Variants in SLC25A42 observed in about 807,000 individuals in gnomAD.
SLC25A42 encodes solute carrier family 25 member 42, also known as mitochondrial coenzyme A transporter SLC25A42.
Under a neutral mutation model 34.7 loss-of-function variants are expected in SLC25A42, and 19 were observed. The ratio of observed to expected loss-of-function variants is 0.55; its 90% CI spans 0.38 to 0.80. SLC25A42 has a LOEUF of 0.80. Ranked by LOEUF, SLC25A42 falls within the 30% of genes least tolerant of loss-of-function variation. SLC25A42 has a pLI of 0.00. For missense variants in SLC25A42, 364 were observed against 441.3 expected, an observed-to-expected ratio of 0.82 and a Z score of 1.57; for synonymous variants, 205 against 191.2, an observed-to-expected ratio of 1.07 and a Z score of -0.59.
chr19:19,110,734 G>A lies in SLC25A42; in HGVS notation c.815G>A (p.Arg272His). Residue 272 changes from arginine (R) to histidine (H), a missense_variant, in exon 8 of 8, where the codon CGC becomes CAC. Arg to His is a conservative substitution (Grantham distance 29). Coordinates refer to ENST00000318596, the MANE Select transcript of SLC25A42 (RefSeq NM_178526.5). ...CGCGCCTCCATCGCCCGCACGCTGC[G>A]CACCATCGTGCGGGAGGAGGGCGCC... Reference protein sequence around the residue: ...YPRASIARTLRTIVREEGAVR... With the variant: ...YPRASIARTLHTIVREEGAVR... 1 of 1,610,982 alleles carries A rather than the reference G, an allele frequency of 6.2e-7. No homozygotes were observed. The highest frequency in any genetic ancestry group is 8.5e-7 in the Non-Finnish European group (1 of 1,178,976).
chr19:19,080,996 A>C (rs1410317997), intron 1 of SLC25A42, among the ~76,000 whole-genome samples: 1 of 151,496 alleles, frequency 6.6e-6, no homozygotes, highest in East Asian at 1.9e-4. Flanking sequence ...GTATAGTCCC[A>C]GCTATTCAGG....
At chr19:19,105,505 C>T (rs2059821120) in intron 4 of SLC25A42, 56 bp from the exon 5 acceptor site, 8 of 1,576,600 alleles carry the variant, frequency 5.1e-6, no homozygotes, top group African/African-American at 1.3e-5. Context: ...GTCACAGAGG[C>T]CCGCAGGGAG....
intron 1 of SLC25A42, among the ~76,000 whole-genome samples, chr19:19,068,736 ACT>A (rs1472587293): frequency 1.3e-5 from 2 of 150,680 alleles, no homozygotes; most frequent in Non-Finnish European, 3.0e-5. Context: ...TACTCGGGAG[ACT>A]GAGGCAGGAG....
intron 1 of SLC25A42, among the ~76,000 whole-genome samples, chr19:19,089,191 C>G (rs1390541359): frequency 6.6e-6 from 1 of 152,146 alleles, no homozygotes; most frequent in Admixed American, 6.6e-5. Context: ...AGAGAGAGCT[C>G]AACTTACACT....
intron 1 of SLC25A42, among the ~76,000 whole-genome samples, chr19:19,090,556 C>A (rs749647748): frequency 1.3e-4 from 19 of 151,928 alleles, no homozygotes; most frequent in Admixed American, 1.2e-3. Context: ...GGCTGGGCAC[C>A]GTGGCACACA....
At chr19:19,084,530 G>A (rs1599672598) in intron 1 of SLC25A42, among the ~76,000 whole-genome samples, 2 of 152,282 alleles carry the variant, frequency 1.3e-5, no homozygotes, top group South Asian at 2.1e-4. Flanking sequence ...AAAAATAAAT[G>A]GGGGAGGAGA....
At chr19:19,110,460 T>C (rs928474181) in intron 7 of SLC25A42, 109 bp from the exon 8 acceptor site, 3 of 839,488 alleles carry the variant, frequency 3.6e-6, no homozygotes, top group Admixed American at 4.1e-5. Context: ...CAAGTGCATG[T>C]GTGTATGTGC....
chr19:19,108,861 C>A (rs576834745), intron 7 of SLC25A42, among the ~76,000 whole-genome samples: 1 of 151,976 alleles, frequency 6.6e-6, no homozygotes, highest in Non-Finnish European at 1.5e-5. Context: ...TGGGCTCAAG[C>A]GATCCTCCTG....
At chr19:19,068,368 A>C in intron 1 of SLC25A42, among the ~76,000 whole-genome samples, 1 of 147,620 alleles carries the variant, frequency 6.8e-6, no homozygotes, top group Admixed American at 6.8e-5. Flanking sequence ...AAAAAAAAAA[A>C]AAAGTATATC....
chr19:19,065,956 A>C (rs1344432185), intron 1 of SLC25A42, among the ~76,000 whole-genome samples: 4 of 152,030 alleles, frequency 2.6e-5, no homozygotes, highest in Admixed American at 6.5e-5. Context: ...TCCTGGGTTC[A>C]TGCAGTTCTC....
At chr19:19,073,789 G>A (rs1252288073) in intron 1 of SLC25A42, among the ~76,000 whole-genome samples, 1 of 152,188 alleles carries the variant, frequency 6.6e-6, no homozygotes, top group Non-Finnish European at 1.5e-5. Context: ...GGCCAGGATA[G>A]TCTTGAACTC....
chr19:19,087,744 C>G (rs894387148), intron 1 of SLC25A42, among the ~76,000 whole-genome samples: 8 of 152,226 alleles, frequency 5.3e-5, no homozygotes, highest in Non-Finnish European at 1.0e-4. Flanking sequence ...AAAACAAAGA[C>G]CATCCAAATG....
chr19:19,065,634 G>A (rs1319157325), intron 1 of SLC25A42, among the ~76,000 whole-genome samples: 3 of 152,152 alleles, frequency 2.0e-5, no homozygotes, highest in African/African-American at 7.2e-5. Flanking sequence ...AGCTTCTCCT[G>A]TGGAAACTGA....
intron 3 of SLC25A42, among the ~76,000 whole-genome samples, chr19:19,103,073 C>T (rs1568522461): frequency 6.6e-6 from 1 of 151,950 alleles, no homozygotes; most frequent in Non-Finnish European, 1.5e-5. Context: ...TTCTCTCTCT[C>T]TCTTTTATTT....
intron 1 of SLC25A42, among the ~76,000 whole-genome samples, chr19:19,088,122 A>C (rs1310156747): frequency 2.7e-5 from 4 of 150,722 alleles, no homozygotes; most frequent in Non-Finnish European, 5.9e-5. Context: ...ATTGTCCTGC[A>C]CCTCTTCTGC....
At chr19:19,105,899 C>T in intron 5 of SLC25A42, 172 bp downstream of exon 5, 4 of 621,234 alleles carry the variant, frequency 6.4e-6, no homozygotes, top group Non-Finnish European at 1.1e-5. Context: ...GAGGGACCCC[C>T]TGACTCTGTC....
rs542918142 is a variant in SLC25A42 at position 19,109,594 on chromosome 19, C to G, written c.650-975C>G. Among the ~76,000 whole-genome samples the G allele has an allele frequency of 6.6e-6, 1 of 152,286 alleles. No homozygotes were observed. The highest frequency in any genetic ancestry group is 2.4e-5 in the African/African-American group (1 of 41,562). On this transcript the variant is annotated intron_variant, in intron 7 of 7. Transcript: ENST00000318596. This position sits in a 1 kb window ranked among gnomAD's most constrained non-coding sequence, Gnocchi z 4.1. Reference sequence around the variant, plus strand: ...TACAGGCGCCCACCACCACACCTGGCTAATTTTTGTGTGTTTTTGGTAGAG... The same window carrying G: ...TACAGGCGCCCACCACCACACCTGGGTAATTTTTGTGTGTTTTTGGTAGAG...
intron 1 of SLC25A42, among the ~76,000 whole-genome samples, chr19:19,073,068 T>C (rs903116404): frequency 6.6e-6 from 1 of 152,044 alleles, no homozygotes; most frequent in Non-Finnish European, 1.5e-5. Flanking sequence ...CACAACACAG[T>C]GTGTGGTGGC....
rs921374052 is a variant in SLC25A42, at chr19:19,108,040, A to G, written c.644A>G (p.His215Arg). 3.2e-6 allele frequency: 5 copies of G among 1,584,086 alleles called. No homozygotes were observed. The highest frequency in any genetic ancestry group is 4.3e-6 in the Non-Finnish European group (5 of 1,163,292). The change falls in exon 7 of 8, where the codon CAC becomes CGC. Residue 215 changes from histidine to arginine, a missense_variant. By Grantham distance (29) the His-to-Arg change is conservative. Transcript: ENST00000318596. ...ACCTATGAGACGCTCAAGAGCTTGC[A>G]CAGAGGTAAGGAGAGCTGGGAGCAT... ...FFTYETLKSL[H>R]REYSGRRQPY...
Sources: allele counts gnomAD v4.1 joint callset (sites outside exome capture counted in the v4.1 genomes callset), GRCh38; gene constraint gnomAD v4.1.1; non-coding constraint Gnocchi (gnomAD v3.1); transcripts MANE v1.5; gene names NCBI Gene and HGNC (gene_info 2026-07-23, HGNC 2026-07-21).